Variants in COL8A1 observed in about 807,000 individuals in gnomAD.
COL8A1 encodes the protein collagen alpha-1(VIII) chain.
In COL8A1, 21 loss-of-function variants were observed where a neutral mutation model predicts 42.7. The observed-to-expected ratio is 0.49, with a 90% CI of 0.35 to 0.71. The LOEUF is 0.71. Ranked by LOEUF, COL8A1 falls within the 30% of genes least tolerant of loss-of-function variation. COL8A1 has a pLI of 0.01. For missense variants in COL8A1, 788 were observed against 962.4 expected (o/e 0.82, Z 2.40); for synonymous variants, 367 against 369.1 (o/e 0.99, Z 0.06).
At chr3:99,669,261 C>T (rs1375078793) in intron 1 of COL8A1, among the ~76,000 whole-genome samples, 1 of 149,836 alleles carries the variant, frequency 6.7e-6, no homozygotes, top group Admixed American at 6.7e-5. Context: ...AATGCTGTGA[C>T]AGAGAAAAGC....
At chr3:99,715,860 G>A (rs1939980472) in intron 1 of COL8A1, among the ~76,000 whole-genome samples, 1 of 151,950 alleles carries the variant, frequency 6.6e-6, no homozygotes, top group South Asian at 2.1e-4. Context: ...TTACTCTCTA[G>A]ACCATTCTGC....
intron 1 of COL8A1, among the ~76,000 whole-genome samples, chr3:99,722,464 T>C (rs1032087491): frequency 1.3e-5 from 2 of 152,158 alleles, no homozygotes; most frequent in South Asian, 2.1e-4. Context: ...ACAAGACTTA[T>C]ATTAAAATAT....
chr3:99,649,529 C>A (rs1937771197), intron 1 of COL8A1, among the ~76,000 whole-genome samples: 1 of 152,066 alleles, frequency 6.6e-6, no homozygotes, highest in Admixed American at 6.6e-5. Flanking sequence ...TGGGGTATAT[C>A]TAGATATGGT....
Position 99,794,233 on chromosome 3 carries a change from T to C in COL8A1, c.332T>C (p.Ile111Thr), listed in dbSNP as rs148554605. The C allele has an allele frequency of 1.3e-6, 2 of 1,560,610 alleles. No homozygotes were observed. Among genetic ancestry groups the C allele is most frequent in the Non-Finnish European group, 1.7e-6 (2 of 1,155,234 alleles). The change falls in exon 4 of 4, where the codon ATA becomes ACA. Residue 111 changes from isoleucine (I) to threonine (T), a missense_variant. Physicochemically the swap from Ile to Thr is moderately conservative, Grantham distance 89 (BLOSUM62 -1). This residue lies in a region of COL8A1 where 421 missense variants were observed against 553.1 expected (regional missense o/e 0.76). Transcript: ENST00000652472. The surrounding 1 kb of genome is among the most constrained non-coding windows in gnomAD (Gnocchi z 4.3). The stretch of plus-strand genomic sequence containing the variant: ...CTCTCTCTTCTCTTCCCAGTAGAAA[T>C]ACCATTAGCCAGTTTACGAGGGGAA... ...KEAVPKKGKE[I>T]PLASLRGEQG...
chr3:99,652,488 G>A (rs1342980366), intron 1 of COL8A1, among the ~76,000 whole-genome samples: 3 of 152,146 alleles, frequency 2.0e-5, no homozygotes, highest in East Asian at 1.9e-4. Context: ...TGTTGGGGCT[G>A]GAATATAAAT....
intron 2 of COL8A1, among the ~76,000 whole-genome samples, chr3:99,772,536 G>A (rs1042276693): frequency 6.6e-6 from 1 of 152,142 alleles, no homozygotes; most frequent in African/African-American, 2.4e-5. Flanking sequence ...AATGGGGGAG[G>A]TTGTGCCAGT....
intron 1 of COL8A1, among the ~76,000 whole-genome samples, chr3:99,741,865 A>C (rs2107402184): frequency 6.6e-6 from 1 of 152,332 alleles, no homozygotes; most frequent in South Asian, 2.1e-4. Flanking sequence ...TCAATGGGAG[A>C]GAACACAGAG....
At chr3:99,788,869 A>G (rs1941945348) in intron 2 of COL8A1, among the ~76,000 whole-genome samples, 1 of 152,188 alleles carries the variant, frequency 6.6e-6, no homozygotes, top group African/African-American at 2.4e-5. Flanking sequence ...AAGGGATTTT[A>G]GATACTGGAG....
At chr3:99,766,841 C>T (rs1576468784) in intron 2 of COL8A1, among the ~76,000 whole-genome samples, 3 of 152,080 alleles carry the variant, frequency 2.0e-5, no homozygotes, top group Admixed American at 1.3e-4. Context: ...CCCAGCTACT[C>T]GGGAGTCTGA....
intron 1 of COL8A1, among the ~76,000 whole-genome samples, chr3:99,696,696 G>C (rs1050186401): frequency 5.9e-5 from 9 of 152,172 alleles, no homozygotes; most frequent in African/African-American, 2.4e-5. Flanking sequence ...AGTCCCCGGG[G>C]TTACGCAATT....
At chr3:99,693,988 A>C (rs1338686595) in intron 1 of COL8A1, among the ~76,000 whole-genome samples, 1 of 152,208 alleles carries the variant, frequency 6.6e-6, no homozygotes, top group Non-Finnish European at 1.5e-5. Flanking sequence ...TACAATTGCC[A>C]ACAGTATTCA....
intron 1 of COL8A1, among the ~76,000 whole-genome samples, chr3:99,733,680 G>A (rs1450993292): frequency 2.6e-5 from 4 of 151,596 alleles, no homozygotes; most frequent in Admixed American, 2.6e-4. Context: ...GGGATGGCTG[G>A]GTCAAATGGT....
intron 2 of COL8A1, among the ~76,000 whole-genome samples, chr3:99,774,863 A>G (rs1002383758): frequency 1.3e-5 from 2 of 152,210 alleles, no homozygotes; most frequent in Non-Finnish European, 2.9e-5. Context: ...TTAATAGGTG[A>G]AAGCATTTCT....
At chr3:99,649,794 C>A (rs757562485) in intron 1 of COL8A1, among the ~76,000 whole-genome samples, 24 of 152,106 alleles carry the variant, frequency 1.6e-4, no homozygotes, top group Non-Finnish European at 2.6e-4. Flanking sequence ...CTGTCACACA[C>A]ACACACACAC....
intron 2 of COL8A1, among the ~76,000 whole-genome samples, chr3:99,766,991 A>G (rs1380389589): frequency 6.6e-6 from 1 of 151,750 alleles, no homozygotes; most frequent in Non-Finnish European, 1.5e-5. Context: ...GGGGACTCTC[A>G]TGATATTGCA....
At chr3:99,675,866 T>C (rs964834619) in intron 1 of COL8A1, 6 of 152,412 alleles carry the variant, frequency 3.9e-5, no homozygotes, top group African/African-American at 7.2e-5. Context: ...TTTGAAGTCA[T>C]AGAGATAAAA....
At chr3:99,645,413 C>A (rs902453680) in intron 1 of COL8A1, among the ~76,000 whole-genome samples, 1 of 152,146 alleles carries the variant, frequency 6.6e-6, no homozygotes, top group Non-Finnish European at 1.5e-5. Flanking sequence ...GAAAGGGGAT[C>A]TGTGGCAAAA....
Position 99,790,932 on chromosome 3 carries a change from C to G in COL8A1, c.250C>G (p.Pro84Ala), listed in dbSNP as rs771961401. Residue 84 changes from proline to alanine, a missense_variant, in exon 3 of 4, where the codon CCA (proline) becomes GCA (alanine). Pro to Ala is a conservative substitution (Grantham distance 27). Coordinates refer to ENST00000652472, the MANE Select transcript of COL8A1 (RefSeq NM_020351.4). ...MPHLQYGKEY[P>A]HLPQYMKEIQ... Reference sequence around the variant, plus strand: ...CCACTTGCAGTATGGCAAAGAGTATCCACACCTACCCCAATATATGAAGGA... The same window carrying G: ...CCACTTGCAGTATGGCAAAGAGTATGCACACCTACCCCAATATATGAAGGA... 27 of 1,614,092 alleles carry G rather than the reference C, an allele frequency of 1.7e-5. No homozygotes were observed. In the Admixed American group the frequency reaches 4.5e-4, roughly 27 times the overall value.
intron 1 of COL8A1, among the ~76,000 whole-genome samples, chr3:99,681,896 T>C (rs1172788228): frequency 6.6e-6 from 1 of 152,158 alleles, no homozygotes; most frequent in African/African-American, 2.4e-5. Context: ...ATGAGAAGAC[T>C]AAGAGTCACC....
Sources: gnomAD v4.1 joint callset for allele counts (sites outside exome capture counted in the v4.1 genomes callset) on GRCh38, gnomAD v4.1.1 for gene constraint, gnomAD v4.1.1 regional missense constraint, Gnocchi (gnomAD v3.1) non-coding constraint, MANE v1.5 for transcripts, NCBI Gene and HGNC (gene_info 2026-07-23, HGNC 2026-07-21) for gene names.